ALPK2: variants seen among roughly 807,000 people sequenced by gnomAD.
ALPK2 encodes alpha kinase 2, also known as alpha-protein kinase 2.
ALPK2 carries 127 observed loss-of-function variants against 163.1 expected under a neutral mutation model. That is an observed-to-expected ratio of 0.78 (90% CI 0.67 to 0.90). The LOEUF is 0.90. Ranked by LOEUF, ALPK2 falls within the 40% of genes least tolerant of loss-of-function variation. The pLI is 0.00. For missense variants in ALPK2, 2,360 were observed against 2,589.6 expected (o/e 0.91, Z 1.92); for synonymous variants, 953 against 959.1 (o/e 0.99, Z 0.12).
intron 3 of ALPK2, among the ~76,000 whole-genome samples, chr18:58,603,615 T>G (rs1201154232): frequency 6.6e-6 from 1 of 152,224 alleles, no homozygotes; most frequent in Non-Finnish European, 1.5e-5. Context: ...GAGGCCTCCC[T>G]GCTGAGGAGG....
chr18:58,593,874 A>C (rs1281189094), intron 3 of ALPK2, among the ~76,000 whole-genome samples: 1 of 151,634 alleles, frequency 6.6e-6, no homozygotes, highest in Non-Finnish European at 1.5e-5. Flanking sequence ...CAAAAACTCC[A>C]TCTCAAAAAT....
At chr18:58,583,266 C>A (rs535252296) in intron 3 of ALPK2, among the ~76,000 whole-genome samples, 1 of 152,144 alleles carries the variant, frequency 6.6e-6, no homozygotes, top group South Asian at 2.1e-4. Flanking sequence ...GTCTTATGAT[C>A]TCTATTTTAA....
At chr18:58,565,169 A>G (rs947709502) in intron 4 of ALPK2, among the ~76,000 whole-genome samples, 1 of 145,750 alleles carries the variant, frequency 6.9e-6, no homozygotes, top group Non-Finnish European at 1.5e-5. Context: ...TTACCCATGA[A>G]CATTTCCTTA....
At chr18:58,552,253 C>T (rs970964113) in intron 4 of ALPK2, among the ~76,000 whole-genome samples, 1 of 152,180 alleles carries the variant, frequency 6.6e-6, no homozygotes, top group Non-Finnish European at 1.5e-5. Flanking sequence ...GTGGTAGAGG[C>T]AGTCAATTGG....
intron 6 of ALPK2, among the ~76,000 whole-genome samples, chr18:58,524,620 G>T (rs1046130180): frequency 2.6e-5 from 4 of 152,162 alleles, no homozygotes; most frequent in Non-Finnish European, 5.9e-5. Flanking sequence ...ACTGGTGGTG[G>T]TGGTCATATT....
intron 10 of ALPK2, among the ~76,000 whole-genome samples, chr18:58,507,529 C>G (rs1475314470): frequency 6.6e-6 from 1 of 152,204 alleles, no homozygotes; most frequent in African/African-American, 2.4e-5. Context: ...CTAGGACAGA[C>G]CTGGTCACTT....
chr18:58,531,366 G>A (rs1034288177), intron 5 of ALPK2, among the ~76,000 whole-genome samples: 4 of 152,026 alleles, frequency 2.6e-5, no homozygotes, highest in Admixed American at 6.5e-5. Flanking sequence ...CTGCTGGGTA[G>A]GGCACAGTCG....
chr18:58,540,911 A>G (rs922099798), intron 4 of ALPK2, among the ~76,000 whole-genome samples: 6 of 152,214 alleles, frequency 3.9e-5, no homozygotes, highest in Admixed American at 1.3e-4. Context: ...TTACTATTAC[A>G]TCAGCAAAGT....
At chr18:58,614,389 ACTT>A (rs1213393969) in intron 1 of ALPK2, among the ~76,000 whole-genome samples, 2 of 152,186 alleles carry the variant, frequency 1.3e-5, no homozygotes, top group Non-Finnish European at 2.9e-5. Flanking sequence ...TGGTTATAGA[ACTT>A]CTTAAATGTA....
At chr18:58,502,180 A>ACACACACACAC (rs1568067735) in intron 11 of ALPK2, among the ~76,000 whole-genome samples, 36 of 130,084 alleles carry the variant, frequency 2.8e-4, no homozygotes, top group African/African-American at 9.6e-4. Flanking sequence ...ACACACACAC[A>ACACACACACAC]AAGAAAAAAA....
chr18:58,628,194 A>G (rs2052241664), intron 1 of ALPK2, among the ~76,000 whole-genome samples: 1 of 152,124 alleles, frequency 6.6e-6, no homozygotes, highest in African/African-American at 2.4e-5. Context: ...ATAAATGTTT[A>G]CATCAGCCAT....
intron 1 of ALPK2, among the ~76,000 whole-genome samples, chr18:58,620,867 C>T (rs1358929257): frequency 3.3e-5 from 5 of 151,914 alleles, no homozygotes; most frequent in Admixed American, 6.6e-5. Flanking sequence ...TTAAAAAGAA[C>T]GAGACAGGCC....
At chr18:58,514,367 CTT>C (rs1373604016) in intron 10 of ALPK2, among the ~76,000 whole-genome samples, 1 of 152,156 alleles carries the variant, frequency 6.6e-6, no homozygotes, top group Non-Finnish European at 1.5e-5. Flanking sequence ...TAGCTAAGCC[CTT>C]TTTCTGTCCA....
chr18:58,548,734 A>G (rs2051733434), intron 4 of ALPK2, among the ~76,000 whole-genome samples: 1 of 152,224 alleles, frequency 6.6e-6, no homozygotes, highest in Non-Finnish European at 1.5e-5. Context: ...ATTCCAAAAA[A>G]GAGACAAAAT....
chr18:58,579,813 C>T lies in ALPK2; in HGVS notation c.963G>A (p.Glu321=). The T allele has an allele frequency of 6.2e-7, 1 of 1,614,098 alleles. No individual in the cohort carries two copies. The highest frequency in any genetic ancestry group is 8.5e-7 in the Non-Finnish European group (1 of 1,180,036). The change falls in exon 4 of 13, where the codon GAG becomes GAA. Residue 321 remains glutamate, a synonymous_variant. Coordinates refer to ENST00000361673, the MANE Select transcript of ALPK2 (RefSeq NM_052947.4). The part of the protein sequence containing the change: ...CPEITLTYTE[E]FSDDDLEYLE... ...GATACTCCAGGTCATCATCTGAAAA[C>T]TCCTCGGTGTAGGTTAGGGTTATCT...
In ALPK2 at chr18:58,536,361, G is replaced by A. The variant is rs2051647591; in HGVS notation, c.3826C>T (p.Pro1276Ser). 1 of 1,614,166 alleles carries A rather than the reference G, an allele frequency of 6.2e-7. No homozygotes were observed. The highest frequency in any genetic ancestry group is 8.5e-7 in the Non-Finnish European group (1 of 1,180,036). ...ACAGCATCTGCCTTTAGACTATCAG[G>A]TACAGCCCAGACCTTGTCAGGAATT... ...LIIPDKVWAV[P>S]DSLKADAVVP... Residue 1276 changes from proline (P) to serine (S), a missense_variant, in exon 5 of 13, where the codon CCT becomes TCT. Transcript: ENST00000361673.
At chr18:58,538,439 C>A in intron 4 of ALPK2, 1 of 496,762 alleles carries the variant, frequency 2.0e-6, no homozygotes, top group East Asian at 3.2e-5. Flanking sequence ...GGCCCTTTGT[C>A]AAATTCATCA....
intron 4 of ALPK2, chr18:58,538,598 C>T (rs1475268513): frequency 5.1e-6 from 1 of 196,140 alleles, no homozygotes; most frequent in Non-Finnish European, 1.0e-5. Flanking sequence ...AGATGAATCT[C>T]ACATGATCAT....
intron 10 of ALPK2, chr18:58,511,908 C>T (rs1019290414): frequency 6.6e-6 from 1 of 152,182 alleles, no homozygotes; most frequent in Non-Finnish European, 1.5e-5. Context: ...ACACAAGGCC[C>T]CTCTAATACC....
Sources: gnomAD v4.1 joint callset for allele counts (sites outside exome capture counted in the v4.1 genomes callset) on GRCh38, gnomAD v4.1.1 for gene constraint, MANE v1.5 for transcripts, NCBI Gene and HGNC (gene_info 2026-07-23, HGNC 2026-07-21) for gene names.